The following TYW1B variants were observed in gnomAD, a reference collection of about 807,000 sequenced individuals.
TYW1B encodes the protein tRNA-yW synthesizing protein 1 homolog B.
Under a neutral mutation model 86.9 loss-of-function variants are expected in TYW1B, and 73 were observed. That is an observed-to-expected ratio of 0.84 (90% CI 0.70 to 1.02). TYW1B has a LOEUF of 1.02. Ranked by LOEUF, TYW1B falls within the 50% of genes least tolerant of loss-of-function variation. The probability of loss-of-function intolerance (pLI) is 0.00; values close to 1 mark genes in which losing one functional copy is unlikely to be tolerated. For missense variants in TYW1B, 637 were observed against 827.4 expected (o/e 0.77, Z 2.82); for synonymous variants, 248 against 292.8 (o/e 0.85, Z 1.56).
In TYW1B at chr7:72,574,993, T is replaced by C; in HGVS notation, c.*505A>G. The C allele has an allele frequency of 4.0e-6, 4 of 988,172 alleles. No individual in the cohort carries two copies. Among genetic ancestry groups the C allele is most frequent in the Non-Finnish European group, 4.8e-6 (4 of 831,644 alleles). 61.2% of individuals were successfully genotyped at this position (988,172 alleles called of 1,614,324 possible). Reference sequence around the variant, plus strand: ...AATTGAGAGTTGTGACAACTTCGATTCTTTTCAGGAGGTGCTGTCTTAAGA... The same window carrying C: ...AATTGAGAGTTGTGACAACTTCGATCCTTTTCAGGAGGTGCTGTCTTAAGA... On this transcript the variant is annotated 3_prime_UTR_variant, in exon 14 of 14. Coordinates refer to ENST00000620995, the MANE Select transcript of TYW1B (RefSeq NM_001145440.3).
At chr7:72,826,579 G>A (rs1259477538) in intron 2 of TYW1B, among the ~76,000 whole-genome samples, 1 of 151,990 alleles carries the variant, frequency 6.6e-6, no homozygotes, top group Non-Finnish European at 1.5e-5. Flanking sequence ...ACCCTTAAAG[G>A]TATAAAACAA....
intron 8 of TYW1B, among the ~76,000 whole-genome samples, chr7:72,738,235 T>C (rs13308870): frequency 2.6e-5 from 4 of 151,832 alleles, no homozygotes; most frequent in South Asian, 2.1e-4. Flanking sequence ...CGCCTGCCAC[T>C]AAGCCCAGCT....
intron 11 of TYW1B, among the ~76,000 whole-genome samples, chr7:72,636,808 T>C (rs1415924195): frequency 6.6e-6 from 1 of 152,198 alleles, no homozygotes; most frequent in African/African-American, 2.4e-5. Context: ...TTGCTGACCT[T>C]TTCTTTAAAA....
chr7:72,686,100 A>G (rs1230730707), intron 11 of TYW1B, among the ~76,000 whole-genome samples: 15 of 152,198 alleles, frequency 9.9e-5, no homozygotes, highest in African/African-American at 3.4e-4. Flanking sequence ...ACTCTCATCC[A>G]TTGCTCATGG....
At chr7:72,703,416 C>A (rs1272799439) in intron 10 of TYW1B, among the ~76,000 whole-genome samples, 5 of 152,064 alleles carry the variant, frequency 3.3e-5, no homozygotes, top group African/African-American at 1.2e-4. Context: ...TTCTAATTAT[C>A]TCTTGGTATT....
Position 72,639,709 on chromosome 7 carries a change from C to CA in TYW1B, c.1507-10713dup, listed in dbSNP as rs527586881. Among the ~76,000 whole-genome samples, 21 of 150,450 alleles carry CA rather than the reference C, an allele frequency of 1.4e-4. No individual in the cohort carries two copies. In the South Asian group the frequency reaches 3.5e-3, roughly 25 times the overall value. ...TGAAATGCAGTTTCTACTAAAAATA[C>CA]AAAAAAAATAGCCAGGCGTGGTGGC... is the stretch of plus-strand genomic sequence containing the variant. On this transcript the variant is annotated intron_variant, in intron 11 of 13. Coordinates refer to ENST00000620995, the MANE Select transcript of TYW1B (RefSeq NM_001145440.3).
chr7:72,704,936 A>T (rs1346527130), intron 10 of TYW1B, among the ~76,000 whole-genome samples: 1 of 152,162 alleles, frequency 6.6e-6, no homozygotes, highest in Non-Finnish European at 1.5e-5. Context: ...TTTCAGAGAA[A>T]TATTCCATGA....
intron 7 of TYW1B, among the ~76,000 whole-genome samples, chr7:72,775,768 G>A (rs1482589984): frequency 6.6e-6 from 1 of 151,444 alleles, no homozygotes; most frequent in African/African-American, 2.4e-5. Flanking sequence ...CCTTCAGGCA[G>A]ATGGAAAAGG....
chr7:72,723,464 T>C (rs1459647654), intron 9 of TYW1B, among the ~76,000 whole-genome samples: 2 of 152,134 alleles, frequency 1.3e-5, no homozygotes, highest in Non-Finnish European at 2.9e-5. Flanking sequence ...ATAGATACAA[T>C]ATTATTAAAA....
intron 13 of TYW1B, among the ~76,000 whole-genome samples, chr7:72,576,308 T>C (rs1585819232): frequency 6.6e-6 from 1 of 152,116 alleles, no homozygotes; most frequent in African/African-American, 2.4e-5. Context: ...CTTAAGAAAA[T>C]TGCTTCTCAA....
chr7:72,679,039 C>T (rs1554447949), intron 11 of TYW1B, among the ~76,000 whole-genome samples: 1 of 152,080 alleles, frequency 6.6e-6, no homozygotes. Flanking sequence ...GAGGTTGAGA[C>T]TGCAGTGAGC....
intron 8 of TYW1B, among the ~76,000 whole-genome samples, chr7:72,743,444 A>C (rs546658681): frequency 1.1e-3 from 175 of 152,316 alleles, no homozygotes; most frequent in African/African-American, 4.0e-3. Context: ...TAGATCTGAT[A>C]GTAAGGAAGT....
intron 11 of TYW1B, among the ~76,000 whole-genome samples, chr7:72,651,813 T>C (rs1404744445): frequency 6.6e-6 from 1 of 152,120 alleles, no homozygotes; most frequent in East Asian, 1.9e-4. Context: ...AACAAAAATA[T>C]AAATTATTTC....
chr7:72,754,282 G>A (rs1787551017), intron 7 of TYW1B, among the ~76,000 whole-genome samples: 1 of 151,934 alleles, frequency 6.6e-6, no homozygotes, highest in Admixed American at 6.6e-5. Flanking sequence ...TGGGACTACA[G>A]GTGCCCGCTG....
chr7:72,825,392 C>G (rs541966559), intron 2 of TYW1B, among the ~76,000 whole-genome samples: 1 of 152,162 alleles, frequency 6.6e-6, no homozygotes, highest in South Asian at 2.1e-4. Flanking sequence ...AGATGTGTGA[C>G]GTGAGGCCAG....
intron 11 of TYW1B, among the ~76,000 whole-genome samples, chr7:72,632,399 T>TACATATATATATAA (rs1812541714): frequency 1.1e-5 from 1 of 94,518 alleles, no homozygotes; most frequent in Non-Finnish European, 1.8e-5. Flanking sequence ...TATATATATA[T>TACATATATATATAA]AATATATATA....
intron 9 of TYW1B, among the ~76,000 whole-genome samples, chr7:72,717,227 G>A (rs1786806454): frequency 6.6e-6 from 1 of 151,848 alleles, no homozygotes; most frequent in African/African-American, 2.4e-5. Flanking sequence ...CTTGAACCCT[G>A]GAGGTGGAGG....
At chr7:72,800,025 T>C (rs1788377679) in intron 6 of TYW1B, among the ~76,000 whole-genome samples, 2 of 152,128 alleles carry the variant, frequency 1.3e-5, no homozygotes, top group Non-Finnish European at 2.9e-5. Flanking sequence ...CATTCATAAA[T>C]TTAATATTTT....
At chr7:72,719,041 A>G (rs1425143781) in intron 9 of TYW1B, among the ~76,000 whole-genome samples, 4 of 152,242 alleles carry the variant, frequency 2.6e-5, no homozygotes, top group African/African-American at 9.6e-5. Flanking sequence ...ATTAAATGAA[A>G]TAAGCTACAT....
Sources: gnomAD v4.1 joint callset for allele counts (sites outside exome capture counted in the v4.1 genomes callset) on GRCh38, gnomAD v4.1.1 for gene constraint, MANE v1.5 for transcripts, NCBI Gene and HGNC (gene_info 2026-07-23, HGNC 2026-07-21) for gene names.